Variants in CLYBL observed in about 807,000 individuals in gnomAD.
CLYBL encodes citramalyl-CoA lyase, mitochondrial.
In CLYBL, 31 loss-of-function variants were observed where a neutral mutation model predicts 38.9. That is an observed-to-expected ratio of 0.80 (90% CI 0.60 to 1.08). The LOEUF (loss-of-function observed/expected upper bound fraction) is 1.08, where lower values mean the gene tolerates loss of function less well. Among genes scored for constraint, CLYBL ranks in the 50% least tolerant of loss-of-function variants. The pLI is 0.00. For missense variants in CLYBL, 434 were observed against 411.6 expected (o/e 1.05, Z -0.47); for synonymous variants, 171 against 158.6 (o/e 1.08, Z -0.59).
intron 7 of CLYBL, among the ~76,000 whole-genome samples, chr13:99,876,894 A>G (rs143497177): frequency 9.9e-4 from 150 of 152,210 alleles, no homozygotes; most frequent in African/African-American, 3.4e-3. Context: ...GTTCCAATGT[A>G]TGTCTTTTCT....
chr13:99,821,185 A>G (rs989494836), intron 2 of CLYBL, among the ~76,000 whole-genome samples: 2 of 152,200 alleles, frequency 1.3e-5, no homozygotes, highest in Non-Finnish European at 2.9e-5. Flanking sequence ...CCTATTCCTA[A>G]TAATGGAATA....
chr13:99,779,185 C>T (rs137957615), intron 2 of CLYBL, among the ~76,000 whole-genome samples: 71 of 152,118 alleles, frequency 4.7e-4, no homozygotes, highest in African/African-American at 1.5e-3. Context: ...TGTTGTCGCC[C>T]GGGCTGGAGT....
chr13:99,634,209 G>C (rs530571666), intron 1 of CLYBL, among the ~76,000 whole-genome samples: 1 of 152,160 alleles, frequency 6.6e-6, no homozygotes, highest in African/African-American at 2.4e-5. Context: ...GAAGGTAAAC[G>C]TATTGAAAGA....
At chr13:99,635,976 T>A (rs532892828) in intron 1 of CLYBL, among the ~76,000 whole-genome samples, 1 of 152,340 alleles carries the variant, frequency 6.6e-6, no homozygotes, top group Admixed American at 6.5e-5. Flanking sequence ...TGATTAAATG[T>A]TTTTCTCTCC....
chr13:99,859,822 GAATAA>G (rs1259391674), intron 3 of CLYBL, among the ~76,000 whole-genome samples: 3 of 152,174 alleles, frequency 2.0e-5, no homozygotes, highest in Non-Finnish European at 2.9e-5. Context: ...GATCTCTACT[GAATAA>G]AATAACATTT....
intron 2 of CLYBL, among the ~76,000 whole-genome samples, chr13:99,813,843 T>G (rs1339040962): frequency 6.6e-6 from 1 of 152,224 alleles, no homozygotes; most frequent in Non-Finnish European, 1.5e-5. Context: ...CTTCTGCCTC[T>G]GAGAATCACA....
chr13:99,707,532 A>G (rs1484609227), intron 1 of CLYBL, among the ~76,000 whole-genome samples: 1 of 152,176 alleles, frequency 6.6e-6, no homozygotes, highest in Non-Finnish European at 1.5e-5. Flanking sequence ...TCGGCCTCCC[A>G]AAGTGCTGGG....
chr13:99,731,356 G>A (rs2048587046), intron 1 of CLYBL, among the ~76,000 whole-genome samples: 1 of 150,202 alleles, frequency 6.7e-6, no homozygotes, highest in African/African-American at 2.4e-5. Flanking sequence ...AAAAGCGGCT[G>A]AGCCCAGGGG....
chr13:99,614,681 G>A (rs1404474253), intron 1 of CLYBL, among the ~76,000 whole-genome samples: 1 of 152,086 alleles, frequency 6.6e-6, no homozygotes, highest in African/African-American at 2.4e-5. Context: ...CCTACATACC[G>A]TTATCCTGTG....
intron 1 of CLYBL, among the ~76,000 whole-genome samples, chr13:99,693,557 T>C (rs2047938513): frequency 6.6e-6 from 1 of 151,988 alleles, no homozygotes; most frequent in Non-Finnish European, 1.5e-5. Context: ...ACAACGGCAG[T>C]GATGTGACCC....
At chr13:99,896,952 C>T (rs2052589001), downstream of CLYBL, 1 of 152,178 alleles carries the variant, frequency 6.6e-6, no homozygotes, top group African/African-American at 2.4e-5. Flanking sequence ...AGTCACAGGA[C>T]TTATTCCAGA....
At chr13:99,702,073 A>G (rs2048075181) in intron 1 of CLYBL, among the ~76,000 whole-genome samples, 1 of 152,196 alleles carries the variant, frequency 6.6e-6, no homozygotes, top group Admixed American at 6.5e-5. Flanking sequence ...CTGATTGTCT[A>G]CTATGTGTTA....
intron 7 of CLYBL, among the ~76,000 whole-genome samples, chr13:99,882,574 G>A (rs549488548): frequency 6.6e-6 from 1 of 152,124 alleles, no homozygotes; most frequent in South Asian, 2.1e-4. Context: ...TGAGGTGGGA[G>A]GACCACCTGA....
chr13:99,762,694 T>C (rs1331053058), intron 1 of CLYBL, among the ~76,000 whole-genome samples: 2 of 152,230 alleles, frequency 1.3e-5, no homozygotes, highest in Non-Finnish European at 2.9e-5. Context: ...ATTTTTCCTT[T>C]TCTATGAAGA....
At position 99,821,234 on chromosome 13, in the gene CLYBL, G is replaced by GTCTT. The variant is rs559138466; in HGVS notation, c.250-37627_250-37626insTCTT. On this transcript the variant is annotated intron_variant, in intron 2 of 8. Coordinates refer to ENST00000339105, the MANE Select transcript of CLYBL (RefSeq NM_206808.5). Reference sequence around the variant, plus strand: ...TCCAAACTTACCATTTTCAGGAATGGGTTAGATTTTTGGTACTGAGGGATG... The same window carrying GTCTT: ...TCCAAACTTACCATTTTCAGGAATGGTCTTGTTAGATTTTTGGTACTGAGGGATG... 5.8e-3 allele frequency among the ~76,000 whole-genome samples: 882 copies of GTCTT among 152,230 alleles called. 14 individuals are homozygous for GTCTT. The highest frequency in any genetic ancestry group is 0.02 in the African/African-American group (847 of 41,542).
chr13:99,835,501 A>G (rs1347692958), intron 2 of CLYBL, among the ~76,000 whole-genome samples: 1 of 152,156 alleles, frequency 6.6e-6, no homozygotes, highest in African/African-American at 2.4e-5. Flanking sequence ...TGCCTACACC[A>G]CTTCTGTTCC....
intron 1 of CLYBL, among the ~76,000 whole-genome samples, chr13:99,608,824 A>C (rs1022433642): frequency 8.2e-6 from 1 of 122,042 alleles, no homozygotes; most frequent in Admixed American, 8.5e-5. Flanking sequence ...TAATGTTATT[A>C]GGGTTCTATG....
chr13:99,710,639 G>A (rs1194148308), intron 1 of CLYBL, among the ~76,000 whole-genome samples: 1 of 152,108 alleles, frequency 6.6e-6, no homozygotes, highest in Non-Finnish European at 1.5e-5. Flanking sequence ...CCAAATGAGA[G>A]GTGTCCTTCT....
intron 2 of CLYBL, among the ~76,000 whole-genome samples, chr13:99,841,166 G>A (rs997891775): frequency 1.3e-5 from 2 of 152,132 alleles, no homozygotes; most frequent in Non-Finnish European, 1.5e-5. Flanking sequence ...GAGGTGGAGA[G>A]CATACTAGGC....
Sources: gnomAD v4.1 joint callset for allele counts (sites outside exome capture counted in the v4.1 genomes callset) on GRCh38, gnomAD v4.1.1 for gene constraint, MANE v1.5 for transcripts, NCBI Gene and HGNC (gene_info 2026-07-23, HGNC 2026-07-21) for gene names.